SCN11A: variants seen among roughly 807,000 people sequenced by gnomAD.
The protein encoded by SCN11A is sodium voltage-gated channel alpha subunit 11.
Under a neutral mutation model 162.2 loss-of-function variants are expected in SCN11A, and 122 were observed. The observed-to-expected ratio is 0.75, with a 90% CI of 0.65 to 0.87. The LOEUF (loss-of-function observed/expected upper bound fraction) is 0.87. Ranked by LOEUF, SCN11A falls within the 40% of genes least tolerant of loss-of-function variation. SCN11A has a pLI of 0.00. For synonymous variants in SCN11A, 758 were observed against 751.5 expected (o/e 1.01, Z -0.14); for missense variants, 2,015 against 2,181.6 (o/e 0.92, Z 1.52).
chr3:38,954,544 G>T (rs947455298), intron 3 of SCN11A, among the ~76,000 whole-genome samples: 2 of 152,022 alleles, frequency 1.3e-5, no homozygotes, highest in Admixed American at 6.5e-5. Flanking sequence ...TCTTAAGAAA[G>T]AGAAACTTGC....
intron 2 of SCN11A, among the ~76,000 whole-genome samples, chr3:38,977,542 C>A (rs1325740808): frequency 2.0e-5 from 3 of 152,224 alleles, no homozygotes; most frequent in African/African-American, 7.2e-5. Context: ...AAGTGCTCAA[C>A]AAATGCAAGC....
At chr3:38,888,916 G>C (rs1319311282) in intron 19 of SCN11A, among the ~76,000 whole-genome samples, 1 of 151,986 alleles carries the variant, frequency 6.6e-6, no homozygotes, top group Admixed American at 6.5e-5. Context: ...ATGTGGTGAT[G>C]GGTGCACCAA....
In SCN11A at chr3:38,871,593, A is replaced by G. The variant is rs2065127101; in HGVS notation, c.3611T>C (p.Phe1204Ser). The change falls in exon 25 of 30, where the codon TTT becomes TCT. Residue 1204 changes from phenylalanine to serine, a missense_variant. By Grantham distance (155) the Phe-to-Ser change is radical (BLOSUM62 -2). Coordinates refer to ENST00000302328, the MANE Select transcript of SCN11A (RefSeq NM_001349253.2). Reference sequence around the variant, plus strand: ...GTCTGTTCCATTAATGCATTTCCCAAATTTTCCAGAAAAGAAGTATACTCC... The same window carrying G: ...GTCTGTTCCATTAATGCATTTCCCAGATTTTCCAGAAAAGAAGTATACTCC... ...ILGVYFFSGK[F>S]GKCINGTDSV... The G allele has an allele frequency of 6.2e-7, 1 of 1,613,160 alleles. No individual in the cohort carries two copies. The highest frequency in any genetic ancestry group is 8.5e-7 in the Non-Finnish European group (1 of 1,179,386).
At chr3:38,980,344 G>A (rs2029981456) in intron 2 of SCN11A, among the ~76,000 whole-genome samples, 1 of 152,142 alleles carries the variant, frequency 6.6e-6, no homozygotes, top group Non-Finnish European at 1.5e-5. Flanking sequence ...AGAAACAAGG[G>A]GAATCACCTC....
chr3:39,022,913 C>G (rs2031488651), intron 2 of SCN11A, among the ~76,000 whole-genome samples: 2 of 151,870 alleles, frequency 1.3e-5, no homozygotes, highest in African/African-American at 4.8e-5. Flanking sequence ...AAAATAAACA[C>G]AGCTATTAAA....
chr3:38,858,927 G>A (rs1410072448), intron 28 of SCN11A, among the ~76,000 whole-genome samples: 1 of 151,912 alleles, frequency 6.6e-6, no homozygotes, highest in Non-Finnish European at 1.5e-5. Context: ...ATGATCTTTG[G>A]GTTAACAATG....
chr3:38,897,488 G>T (rs951871864), intron 17 of SCN11A, among the ~76,000 whole-genome samples: 1 of 152,122 alleles, frequency 6.6e-6, no homozygotes, highest in Non-Finnish European at 1.5e-5. Context: ...AGGCCAAGGC[G>T]GGTGGATCAC....
At chr3:38,912,278 T>C (rs929117154) in intron 11 of SCN11A, among the ~76,000 whole-genome samples, 3 of 152,080 alleles carry the variant, frequency 2.0e-5, no homozygotes, top group African/African-American at 4.8e-5. Flanking sequence ...CATCAACTTA[T>C]ACAGGTGATT....
chr3:39,022,379 C>G (rs2031475263), intron 2 of SCN11A, among the ~76,000 whole-genome samples: 1 of 152,216 alleles, frequency 6.6e-6, no homozygotes, highest in African/African-American at 2.4e-5. Context: ...TTTCTGGCTT[C>G]TTACTGGAGG....
chr3:38,936,408 T>C (rs1397661970), intron 7 of SCN11A, among the ~76,000 whole-genome samples: 1 of 146,902 alleles, frequency 6.8e-6, no homozygotes, highest in Admixed American at 6.8e-5. Flanking sequence ...GGTATTCAAT[T>C]AGGAAAAGAG....
chr3:38,943,178 C>G (rs1264293056), intron 7 of SCN11A, among the ~76,000 whole-genome samples: 1 of 151,812 alleles, frequency 6.6e-6, no homozygotes, highest in Non-Finnish European at 1.5e-5. Context: ...GGATGCATCT[C>G]AAAGCATTAT....
At chr3:38,998,737 A>T (rs2030718869) in intron 2 of SCN11A, among the ~76,000 whole-genome samples, 1 of 152,076 alleles carries the variant, frequency 6.6e-6, no homozygotes, top group Non-Finnish European at 1.5e-5. Context: ...ATAAAAACTG[A>T]TGAGTTCATG....
intron 5 of SCN11A, among the ~76,000 whole-genome samples, chr3:38,949,054 T>A (rs984257096): frequency 1.3e-5 from 2 of 152,244 alleles, no homozygotes; most frequent in African/African-American, 4.8e-5. Context: ...CCAATTGAAG[T>A]ACATGCAAAT....
intron 2 of SCN11A, among the ~76,000 whole-genome samples, chr3:38,992,465 TACAA>T (rs1408250518): frequency 6.6e-6 from 1 of 152,244 alleles, no homozygotes; most frequent in Non-Finnish European, 1.5e-5. Context: ...TATCTGTCTT[TACAA>T]ACAAACTGCA....
At chr3:39,046,501 A>C in intron 1 of SCN11A, among the ~76,000 whole-genome samples, 1 of 152,212 alleles carries the variant, frequency 6.6e-6, no homozygotes, top group Non-Finnish European at 1.5e-5. Context: ...TCTTCATAGA[A>C]ATAGAAAAAA....
chr3:38,916,190 A>G (rs1467255420), intron 11 of SCN11A, among the ~76,000 whole-genome samples: 1 of 151,904 alleles, frequency 6.6e-6, no homozygotes, highest in Non-Finnish European at 1.5e-5. Flanking sequence ...TTTTGAGCCT[A>G]TGTGTGTCAT....
intron 1 of SCN11A, among the ~76,000 whole-genome samples, chr3:39,035,778 T>TCCTGCC (rs1157472622): frequency 6.6e-6 from 1 of 152,130 alleles, no homozygotes; most frequent in Admixed American, 6.5e-5. Context: ...TAGCTGGGAC[T>TCCTGCC]ACAGGCACCC....
chr3:38,922,751 T>C (rs1047396170), intron 9 of SCN11A, among the ~76,000 whole-genome samples: 1 of 152,200 alleles, frequency 6.6e-6, no homozygotes, highest in African/African-American at 2.4e-5. Flanking sequence ...AGTTTCTTTA[T>C]CACTATTCAG....
At chr3:38,878,781 T>C (rs2065261933) in intron 23 of SCN11A, among the ~76,000 whole-genome samples, 1 of 152,116 alleles carries the variant, frequency 6.6e-6, no homozygotes, top group Admixed American at 6.6e-5. Context: ...TTGATGTCCA[T>C]ATTAAATGAA....
Sources: allele counts gnomAD v4.1 joint callset (sites outside exome capture counted in the v4.1 genomes callset), GRCh38; gene constraint gnomAD v4.1.1; transcripts MANE v1.5; gene names NCBI Gene and HGNC (gene_info 2026-07-23, HGNC 2026-07-21).